Variants in GRIK2 observed in about 807,000 individuals in gnomAD.
The protein encoded by GRIK2 is glutamate ionotropic receptor kainate type subunit 2, also known as glutamate receptor ionotropic, kainate 2.
In GRIK2, 32 loss-of-function variants were observed where a neutral mutation model predicts 100.3. That is an observed-to-expected ratio of 0.32 (90% CI 0.24 to 0.43). GRIK2 has a LOEUF of 0.43. Ranked by LOEUF, GRIK2 falls within the 20% of genes least tolerant of loss-of-function variation. GRIK2 has a pLI of 1.00. For synonymous variants in GRIK2, 417 were observed against 389.4 expected (o/e 1.07, Z -0.83); for missense variants, 843 against 1,114.9 (o/e 0.76, Z 3.47).
chr6:102,060,235 G>A (rs1444400871), intron 16 of GRIK2, among the ~76,000 whole-genome samples: 1 of 150,560 alleles, frequency 6.6e-6, no homozygotes, highest in Non-Finnish European at 1.5e-5. Context: ...TTTTTCTGGT[G>A]CACTGATAGT....
At chr6:102,058,595 T>TA (rs1242454362) in intron 16 of GRIK2, among the ~76,000 whole-genome samples, 1 of 151,614 alleles carries the variant, frequency 6.6e-6, no homozygotes, top group Non-Finnish European at 1.5e-5. Flanking sequence ...ATATGATCTA[T>TA]ATGGCTGTTT....
chr6:101,816,411 G>A (rs563055797), intron 9 of GRIK2, among the ~76,000 whole-genome samples: 1 of 152,276 alleles, frequency 6.6e-6, no homozygotes, highest in African/African-American at 2.4e-5. Context: ...GCCGGGCACA[G>A]TGGCTCACGC....
In GRIK2 at chr6:101,999,911, C is replaced by T. The variant is rs1794846871; in HGVS notation, c.2086-35430C>T. 4.6e-5 allele frequency among the ~76,000 whole-genome samples: 7 copies of T among 152,012 alleles called. No individual in the cohort carries two copies. In the South Asian group the frequency reaches 1.2e-3, roughly 27 times the overall value. On this transcript the variant is annotated intron_variant, in intron 14 of 16. Coordinates refer to ENST00000369134, the MANE Select transcript of GRIK2 (RefSeq NM_021956.5). Reference sequence around the variant, plus strand: ...GAACAATAGCTCGATTTATCTTATACTTTTTAGAAATCTATTGGGATGATC... The same window carrying T: ...GAACAATAGCTCGATTTATCTTATATTTTTTAGAAATCTATTGGGATGATC...
At chr6:102,036,507 A>G (rs1770281359) in intron 15 of GRIK2, among the ~76,000 whole-genome samples, 1 of 151,260 alleles carries the variant, frequency 6.6e-6, no homozygotes, top group Non-Finnish European at 1.5e-5. Context: ...TAATCACAAG[A>G]GCTCTTGTAA....
intron 12 of GRIK2, among the ~76,000 whole-genome samples, chr6:101,910,743 G>A (rs1483840599): frequency 6.6e-6 from 1 of 150,654 alleles, no homozygotes; most frequent in Non-Finnish European, 1.5e-5. Context: ...AAACAAAGAA[G>A]ATCATTAGAG....
intron 12 of GRIK2, among the ~76,000 whole-genome samples, chr6:101,891,185 T>C (rs1283496272): frequency 6.6e-6 from 1 of 151,912 alleles, no homozygotes; most frequent in Non-Finnish European, 1.5e-5. Flanking sequence ...TAAAAATCTT[T>C]AGTTCATTCA....
At chr6:102,000,474 CA>C (rs1794881501) in intron 14 of GRIK2, among the ~76,000 whole-genome samples, 1 of 151,844 alleles carries the variant, frequency 6.6e-6, no homozygotes, top group African/African-American at 2.4e-5. Context: ...TATTTACATC[CA>C]GGGGTGCTCA....
At position 101,869,173 on chromosome 6, in the gene GRIK2, C is replaced by T. The variant is rs117846497; in HGVS notation, c.1524+9680C>T. ...TATGTAACACCACACGTGACCAAAACGGTGTACTTGGTCAGGTTTATTTAA... is the reference window on the plus strand; with the variant it reads ...TATGTAACACCACACGTGACCAAAATGGTGTACTTGGTCAGGTTTATTTAA... On this transcript the variant is annotated intron_variant, in intron 11 of 16. Transcript: ENST00000369134. 4.6e-3 allele frequency among the ~76,000 whole-genome samples: 705 copies of T among 151,912 alleles called. 21 individuals are homozygous for T. The East Asian group carries it at 0.053, about 11-fold the overall frequency.
chr6:101,539,370 T>C (rs1003292927), intron 2 of GRIK2, among the ~76,000 whole-genome samples: 1 of 151,786 alleles, frequency 6.6e-6, no homozygotes, highest in Non-Finnish European at 1.5e-5. Context: ...TTCCAAAATG[T>C]TAATAAAGCC....
chr6:101,827,394 A>C (rs919376678), intron 10 of GRIK2, among the ~76,000 whole-genome samples: 1 of 151,930 alleles, frequency 6.6e-6, no homozygotes, highest in African/African-American at 2.4e-5. Context: ...TTTATTAAAA[A>C]ACTTATTAGG....
chr6:101,617,828 CTG>C (rs1338396510), intron 2 of GRIK2, among the ~76,000 whole-genome samples: 2 of 151,696 alleles, frequency 1.3e-5, no homozygotes, highest in Middle Eastern at 3.4e-3. Context: ...GAAGTCTTTT[CTG>C]TCTCTCCCTC....
intron 10 of GRIK2, among the ~76,000 whole-genome samples, chr6:101,843,136 A>G (rs1333133007): frequency 1.3e-5 from 2 of 152,252 alleles, no homozygotes; most frequent in African/African-American, 2.4e-5. Flanking sequence ...AATATTGAAG[A>G]AAAAAAATTC....
intron 7 of GRIK2, among the ~76,000 whole-genome samples, chr6:101,780,146 T>C (rs1749858613): frequency 1.3e-5 from 2 of 151,968 alleles, no homozygotes; most frequent in African/African-American, 4.8e-5. Context: ...AGACAAGATT[T>C]GACTTAGGGA....
intron 2 of GRIK2, among the ~76,000 whole-genome samples, chr6:101,495,903 A>T (rs1257658072): frequency 1.3e-5 from 2 of 151,934 alleles, no homozygotes; most frequent in African/African-American, 4.8e-5. Context: ...ACATAAGAGG[A>T]GAAAGGAAGG....
chr6:101,579,802 G>A (rs1777981206), intron 2 of GRIK2, among the ~76,000 whole-genome samples: 2 of 146,896 alleles, frequency 1.4e-5, no homozygotes, highest in Non-Finnish European at 3.0e-5. Context: ...AGTGAGCCGA[G>A]ATCATGCCAC....
In GRIK2 at chr6:101,621,977, C is replaced by T. The variant is rs1780185891; in HGVS notation, c.144C>T (p.Gly48=). 6.2e-7 allele frequency: 1 copy of T among 1,609,470 alleles called. No individual in the cohort carries two copies. The highest frequency in any genetic ancestry group is 8.5e-7 in the Non-Finnish European group (1 of 1,176,274). ...FGGIFEYVES[G]PMGAEELAFR... The stretch of plus-strand genomic sequence containing the variant: ...GTATTTTTGAATATGTGGAATCTGG[C>T]CCAATGGGAGCTGAGGAACTTGCAT... The change falls in exon 3 of 17, where the codon GGC becomes GGT. Residue 48 remains glycine (G), a synonymous_variant. Coordinates refer to ENST00000369134, the MANE Select transcript of GRIK2 (RefSeq NM_021956.5).
Position 101,986,301 on chromosome 6 carries a change from A to G in GRIK2, c.2086-49040A>G, listed in dbSNP as rs9498794. Among the ~76,000 whole-genome samples the G allele has an allele frequency of 3.4e-3, 522 of 152,002 alleles. 2 individuals are homozygous for G. Among genetic ancestry groups the G allele is most frequent in the African/African-American group, 0.012 (504 of 41,540 alleles). On this transcript the variant is annotated intron_variant, in intron 14 of 16. Transcript: ENST00000369134. The stretch of plus-strand genomic sequence containing the variant: ...ATGAATAATGGAGATTTATTCTTAA[A>G]GTATTCTTTTAATTTTACATTCATT...
chr6:101,680,709 A>G (rs566215313), intron 5 of GRIK2, among the ~76,000 whole-genome samples: 36 of 152,304 alleles, frequency 2.4e-4, no homozygotes, highest in African/African-American at 8.4e-4. Flanking sequence ...GCCAAGCATA[A>G]TATTGAGCTG....
intron 7 of GRIK2, among the ~76,000 whole-genome samples, chr6:101,793,933 C>A (rs1314018053): frequency 6.6e-6 from 1 of 152,118 alleles, no homozygotes; most frequent in African/African-American, 2.4e-5. Flanking sequence ...CCTCTCCCAG[C>A]CTCCCTGCCG....
Sources: gnomAD v4.1 joint callset for allele counts (sites outside exome capture counted in the v4.1 genomes callset) on GRCh38, gnomAD v4.1.1 for gene constraint, MANE v1.5 for transcripts, NCBI Gene and HGNC (gene_info 2026-07-23, HGNC 2026-07-21) for gene names.